Variants in NFASC observed in about 807,000 individuals in gnomAD.
NFASC encodes neurofascin.
In NFASC, 43 loss-of-function variants were observed where a neutral mutation model predicts 147.5. That is an observed-to-expected ratio of 0.29 (90% CI 0.23 to 0.38). NFASC has a LOEUF of 0.38. Among genes scored for constraint, NFASC ranks in the 10% least tolerant of loss-of-function variants. The probability of loss-of-function intolerance (pLI) is 1.00; values close to 1 mark genes in which losing one functional copy is unlikely to be tolerated. For missense variants in NFASC, 1,320 were observed against 1,689.0 expected, an observed-to-expected ratio of 0.78 and a Z score of 3.83; for synonymous variants, 622 against 665.5, an observed-to-expected ratio of 0.93 and a Z score of 1.01.
chr1:205,022,122 G>C lies in NFASC; in HGVS notation c.*5583G>C, dbSNP rs1360954508. 6.6e-6 allele frequency: 1 copy of C among 152,580 alleles called. No individual in the cohort carries two copies. Among genetic ancestry groups the C allele is most frequent in the Non-Finnish European group, 1.5e-5 (1 of 68,028 alleles). The allele number at this position is 152,580 out of a possible 1,614,324, so 9.5% of individuals were successfully genotyped here. On this transcript the variant is annotated 3_prime_UTR_variant, in exon 30 of 30. Transcript: ENST00000339876. ...GTGAAGCAATAAACACAAAACTCTG[G>C]GAGAAGATATCCAGAATTTTGTACA... is the stretch of plus-strand genomic sequence containing the variant.
chr1:204,977,555 A>C, intron 16 of NFASC, 126 bp from the exon 17 acceptor site: 1 of 728,552 alleles, frequency 1.4e-6, no homozygotes. Flanking sequence ...GGACGGGGAC[A>C]GCCCTGCCTA....
At chr1:204,902,611 G>A (rs1337801094) in intron 1 of NFASC, among the ~76,000 whole-genome samples, 1 of 152,214 alleles carries the variant, frequency 6.6e-6, no homozygotes, top group African/African-American at 2.4e-5. Flanking sequence ...TCCAGTGGAG[G>A]GGTGGGGAGA....
chr1:204,893,903 G>A (rs144613124), intron 1 of NFASC, among the ~76,000 whole-genome samples: 1 of 152,340 alleles, frequency 6.6e-6, no homozygotes, highest in East Asian at 1.9e-4. Context: ...CCTGCCTTTA[G>A]ATGGCTAACA....
At chr1:204,905,166 C>T (rs2085542796) in intron 1 of NFASC, among the ~76,000 whole-genome samples, 1 of 152,144 alleles carries the variant, frequency 6.6e-6, no homozygotes, top group East Asian at 1.9e-4. Flanking sequence ...TGCATCATAG[C>T]CTGGAACTCC....
chr1:204,882,903 C>T (rs1034279909), intron 1 of NFASC, among the ~76,000 whole-genome samples: 1 of 152,040 alleles, frequency 6.6e-6, no homozygotes, highest in Admixed American at 6.6e-5. Flanking sequence ...GGTATATAGA[C>T]GCCCGGGGTT....
At chr1:204,913,542 T>C (rs2088267374) in intron 1 of NFASC, among the ~76,000 whole-genome samples, 1 of 152,296 alleles carries the variant, frequency 6.6e-6, no homozygotes, top group East Asian at 1.9e-4. Context: ...TGATTGAAGA[T>C]GACATTTCAA....
At chr1:204,990,959 C>T (rs1251001523) in intron 23 of NFASC, among the ~76,000 whole-genome samples, 2 of 152,208 alleles carry the variant, frequency 1.3e-5, no homozygotes, top group Non-Finnish European at 2.9e-5. Context: ...GAGCTGGGAA[C>T]ATAATGCTCT....
chr1:204,894,285 T>C (rs1029805580), intron 1 of NFASC, among the ~76,000 whole-genome samples: 3 of 152,254 alleles, frequency 2.0e-5, no homozygotes, highest in Non-Finnish European at 4.4e-5. Flanking sequence ...GGGAATGTTA[T>C]TATCATGCTT....
intron 2 of NFASC, among the ~76,000 whole-genome samples, chr1:204,926,075 A>G (rs929561309): frequency 5.9e-5 from 9 of 151,776 alleles, no homozygotes; most frequent in South Asian, 2.1e-4. Flanking sequence ...TCAAGGTGAC[A>G]TACAAGATCT....
chr1:204,857,212 C>A (rs909104721), intron 1 of NFASC, among the ~76,000 whole-genome samples: 2 of 152,208 alleles, frequency 1.3e-5, no homozygotes, highest in Non-Finnish European at 2.9e-5. Context: ...TTGAAGATGA[C>A]CCCTTACAAT....
At chr1:204,922,189 G>T (rs1172945179) in intron 2 of NFASC, among the ~76,000 whole-genome samples, 1 of 152,064 alleles carries the variant, frequency 6.6e-6, no homozygotes, top group Non-Finnish European at 1.5e-5. Flanking sequence ...CCCGCTCTTG[G>T]CACTTTCCCA....
chr1:204,962,751 CA>C (rs1021228429), intron 8 of NFASC, among the ~76,000 whole-genome samples: 17 of 152,130 alleles, frequency 1.1e-4, no homozygotes, highest in Non-Finnish European at 2.1e-4. Flanking sequence ...GAGGTGAAAC[CA>C]TCCACCGTAC....
rs1480757781 is a variant in NFASC at position 204,844,474 on chromosome 1, TG to T, written c.-200+15695del. ...GTGCTTAATTGTACGCTAGATACTG[TG>T]GGTATTACAGTGGAGACAAAGAGGC... On this transcript the variant is annotated intron_variant, in intron 1 of 29. Transcript: ENST00000339876. Among the ~76,000 whole-genome samples the T allele has an allele frequency of 3.9e-5, 6 of 152,318 alleles. No homozygotes were observed. The East Asian group carries it at 1.2e-3, about 29-fold the overall frequency.
intron 1 of NFASC, among the ~76,000 whole-genome samples, chr1:204,917,854 C>T (rs984023181): frequency 1.3e-5 from 2 of 152,126 alleles, no homozygotes; most frequent in East Asian, 1.9e-4. Flanking sequence ...ATTCCTTCTT[C>T]GGGAATGGTA....
chr1:204,887,941 G>A (rs2081633180), intron 1 of NFASC, among the ~76,000 whole-genome samples: 3 of 152,094 alleles, frequency 2.0e-5, no homozygotes, highest in Admixed American at 2.0e-4. Context: ...TGGAAATACA[G>A]CTCTGTTCTT....
Position 205,019,355 on chromosome 1 carries a change from GTC to G in NFASC, c.*2818_*2819del, listed in dbSNP as rs1170028190. On this transcript the variant is annotated 3_prime_UTR_variant, in exon 30 of 30. Transcript: ENST00000339876. Reference sequence around the variant, plus strand: ...CACCATGCCATCGGCGCTCCAGTCTGTCTGGCTGGGAGGAAAGTGCTGGGCAT... The same window carrying G: ...CACCATGCCATCGGCGCTCCAGTCTGTGGCTGGGAGGAAAGTGCTGGGCAT... 6.6e-6 allele frequency: 1 copy of G among 152,288 alleles called. No individual in the cohort carries two copies. Among genetic ancestry groups the G allele is most frequent in the Non-Finnish European group, 1.5e-5 (1 of 68,094 alleles). The allele number at this position is 152,288 out of a possible 1,614,324, so 9.4% of individuals were successfully genotyped here. A position where few individuals can be genotyped will look rare whatever the true frequency, so the allele number is the denominator to read the frequency against.
intron 1 of NFASC, among the ~76,000 whole-genome samples, chr1:204,910,082 A>G (rs772363687): frequency 2.7e-4 from 41 of 152,120 alleles, no homozygotes; most frequent in Non-Finnish European, 3.8e-4. Context: ...TTTTATTTCC[A>G]TATAAATTTT....
intron 2 of NFASC, among the ~76,000 whole-genome samples, chr1:204,926,400 A>ATT (rs2091545972): frequency 3.4e-5 from 1 of 29,600 alleles, no homozygotes; most frequent in African/African-American, 1.6e-4. Context: ...ATATATATAT[A>ATT]TATATATTTT....
chr1:204,859,866 C>A (rs1476525026), intron 1 of NFASC, among the ~76,000 whole-genome samples: 1 of 152,176 alleles, frequency 6.6e-6, no homozygotes, highest in East Asian at 1.9e-4. Context: ...AAACATACCC[C>A]TAAGCTGGAG....
Sources: gnomAD v4.1 joint callset for allele counts (sites outside exome capture counted in the v4.1 genomes callset) on GRCh38, gnomAD v4.1.1 for gene constraint, MANE v1.5 for transcripts, NCBI Gene and HGNC (gene_info 2026-07-23, HGNC 2026-07-21) for gene names.